The following STAU2 variants were observed in gnomAD, a reference collection of about 807,000 sequenced individuals.
The protein encoded by STAU2 is staufen double-stranded RNA binding protein 2.
STAU2 carries 20 observed loss-of-function variants against 65.9 expected under a neutral mutation model. The ratio of observed to expected loss-of-function variants is 0.30; its 90% CI spans 0.21 to 0.44. The LOEUF is 0.44. Among genes scored for constraint, STAU2 ranks in the 20% least tolerant of loss-of-function variants. STAU2 has a pLI of 1.00. For missense variants in STAU2, 558 were observed against 683.9 expected, an observed-to-expected ratio of 0.82 and a Z score of 2.05; for synonymous variants, 232 against 233.9, an observed-to-expected ratio of 0.99 and a Z score of 0.07.
At chr8:73,667,958 C>A (rs373684969) in intron 6 of STAU2, among the ~76,000 whole-genome samples, 1 of 152,122 alleles carries the variant, frequency 6.6e-6, no homozygotes, top group Non-Finnish European at 1.5e-5. Context: ...TTTGAGGAAC[C>A]GCTCCATAAA....
intron 5 of STAU2, among the ~76,000 whole-genome samples, chr8:73,687,406 T>A (rs1417183082): frequency 1.4e-4 from 16 of 114,200 alleles, no homozygotes; most frequent in Non-Finnish European, 2.9e-4. Context: ...TATATTTATA[T>A]TTAAATTAAT....
chr8:73,603,323 T>C (rs1811776947), intron 10 of STAU2, among the ~76,000 whole-genome samples: 1 of 152,196 alleles, frequency 6.6e-6, no homozygotes. Flanking sequence ...CTAACTTTCC[T>C]GACAGCCCAC....
chr8:73,483,036 A>T (rs1820719480), intron 13 of STAU2, among the ~76,000 whole-genome samples: 1 of 94,654 alleles, frequency 1.1e-5, no homozygotes, highest in Non-Finnish European at 2.2e-5. Flanking sequence ...ATAAATTTTT[A>T]AAAAGCCCCA....
At chr8:73,676,158 A>T (rs763518882) in intron 5 of STAU2, among the ~76,000 whole-genome samples, 4 of 152,148 alleles carry the variant, frequency 2.6e-5, no homozygotes, top group Non-Finnish European at 4.4e-5. Context: ...AATGAACTTA[A>T]CTCCTCATTA....
At chr8:73,592,208 C>G (rs1342457435) in intron 11 of STAU2, among the ~76,000 whole-genome samples, 1 of 151,376 alleles carries the variant, frequency 6.6e-6, no homozygotes, top group African/African-American at 2.4e-5. Context: ...TATAAACCCC[C>G]TAGCTAAACT....
chr8:73,623,586 T>G lies in STAU2; in HGVS notation c.411-6135A>C, dbSNP rs906210844. ...AAACAGAAATGTCACTTAACCTTTCTATCTCAGTTTACTTATCTACAAAAT... is the reference window on the plus strand; with the variant it reads ...AAACAGAAATGTCACTTAACCTTTCGATCTCAGTTTACTTATCTACAAAAT... On this transcript the variant is annotated intron_variant, in intron 6 of 14. Transcript: ENST00000524300. Among the ~76,000 whole-genome samples the G allele has an allele frequency of 2.6e-5, 4 of 152,346 alleles. No individual in the cohort carries two copies. In the South Asian group the frequency reaches 8.3e-4, roughly 32 times the overall value.
chr8:73,616,604 C>G (rs989207302), intron 7 of STAU2, among the ~76,000 whole-genome samples: 2 of 152,034 alleles, frequency 1.3e-5, no homozygotes, highest in African/African-American at 4.8e-5. Context: ...CGAGAACATC[C>G]TGGTTAACAC....
chr8:73,632,681 C>T (rs1814189361), intron 6 of STAU2, among the ~76,000 whole-genome samples: 1 of 152,128 alleles, frequency 6.6e-6, no homozygotes, highest in Non-Finnish European at 1.5e-5. Flanking sequence ...TCTCAGGAAG[C>T]TAAAATCACC....
At chr8:73,712,765 G>A (rs1432234238) in intron 3 of STAU2, among the ~76,000 whole-genome samples, 1 of 152,090 alleles carries the variant, frequency 6.6e-6, no homozygotes, top group Non-Finnish European at 1.5e-5. Flanking sequence ...GAACAGCCTG[G>A]ACAACATAGC....
At chr8:73,497,985 G>T (rs3955287) in intron 13 of STAU2, among the ~76,000 whole-genome samples, 121,779 of 151,702 alleles carry the variant, frequency 0.8, 49,723 homozygotes, top group East Asian at 0.94. Flanking sequence ...TACAACTTAT[G>T]TACACGTGGC....
At chr8:73,603,953 C>T in intron 9 of STAU2, 90 bp from the exon 10 acceptor site, 1 of 1,352,312 alleles carries the variant, frequency 7.4e-7, no homozygotes, top group Non-Finnish European at 9.9e-7. Flanking sequence ...CCCTCCACCC[C>T]CACACCCCAA....
chr8:73,724,252 G>A (rs1805465042), intron 3 of STAU2, among the ~76,000 whole-genome samples: 2 of 152,222 alleles, frequency 1.3e-5, no homozygotes, highest in Admixed American at 1.3e-4. Flanking sequence ...TTGGAGAAGA[G>A]GGGTAGGATT....
intron 13 of STAU2, among the ~76,000 whole-genome samples, chr8:73,546,148 G>GTTTTTTTTTTTTTTTTTTTT (rs1563412799): frequency 2.6e-5 from 3 of 116,462 alleles, no homozygotes; most frequent in Non-Finnish European, 4.8e-5. Flanking sequence ...TTTTTTTTTG[G>GTTTTTTTTTTTTTTTTTTTT]TAGAGACAGA....
At chr8:73,552,811 C>A (rs1054724624) in intron 12 of STAU2, among the ~76,000 whole-genome samples, 2 of 152,190 alleles carry the variant, frequency 1.3e-5, no homozygotes, top group African/African-American at 4.8e-5. Flanking sequence ...CTCACCTCCA[C>A]AAGGATGTCC....
intron 3 of STAU2, among the ~76,000 whole-genome samples, chr8:73,712,728 G>C (rs1436340060): frequency 3.3e-5 from 5 of 152,180 alleles, no homozygotes; most frequent in African/African-American, 1.2e-4. Context: ...GCAGAGGCGG[G>C]AGGATCGCTT....
chr8:73,742,932 A>G (rs925125180), intron 1 of STAU2, among the ~76,000 whole-genome samples: 14 of 152,170 alleles, frequency 9.2e-5, no homozygotes, highest in African/African-American at 3.4e-4. Context: ...TTTTTATATC[A>G]GCACCCATCC....
chr8:73,596,320 A>T (rs1347662920), intron 10 of STAU2, among the ~76,000 whole-genome samples: 2 of 152,276 alleles, frequency 1.3e-5, no homozygotes, highest in African/African-American at 4.8e-5. Flanking sequence ...TTAATCCATC[A>T]CAATTGCTCC....
At chr8:73,506,727 T>G (rs1161189583) in intron 13 of STAU2, among the ~76,000 whole-genome samples, 1 of 152,166 alleles carries the variant, frequency 6.6e-6, no homozygotes, top group Non-Finnish European at 1.5e-5. Flanking sequence ...CACAAAAAAT[T>G]TCTCTGTAGT....
chr8:73,690,706 A>C (rs537161456), intron 4 of STAU2, among the ~76,000 whole-genome samples: 5 of 152,140 alleles, frequency 3.3e-5, no homozygotes, highest in Non-Finnish European at 7.3e-5. Context: ...GTGAATCTAA[A>C]CCATACATGA....
Sources: allele counts gnomAD v4.1 joint callset (sites outside exome capture counted in the v4.1 genomes callset), GRCh38; gene constraint gnomAD v4.1.1; transcripts MANE v1.5; gene names NCBI Gene and HGNC (gene_info 2026-07-23, HGNC 2026-07-21).